The following ZFYVE16 variants were observed in gnomAD, a reference collection of about 807,000 sequenced individuals.
The protein encoded by ZFYVE16 is zinc finger FYVE-type containing 16.
A neutral mutation model predicts 138.1 loss-of-function variants in ZFYVE16; 89 were observed. That is an observed-to-expected ratio of 0.64 (90% confidence interval 0.54 to 0.77). The LOEUF (loss-of-function observed/expected upper bound fraction) is 0.77. Among genes scored for constraint, ZFYVE16 ranks in the 30% least tolerant of loss-of-function variants. The probability of loss-of-function intolerance (pLI) is 0.00; values close to 1 mark genes in which losing one functional copy is unlikely to be tolerated. For missense variants in ZFYVE16, 1,793 were observed against 1,786.7 expected (o/e 1.00, Z -0.06); for synonymous variants, 596 against 618.3 (o/e 0.96, Z 0.53).
intron 1 of ZFYVE16, among the ~76,000 whole-genome samples, chr5:80,409,070 C>G (rs984643000): frequency 2.0e-5 from 3 of 152,160 alleles, no homozygotes; most frequent in African/African-American, 7.2e-5. Flanking sequence ...GAAAAATGAT[C>G]AATCATAATT....
rs145131090 is a variant in ZFYVE16 at position 80,463,968 on chromosome 5, C to G, written c.4024+4474C>G. 5.3e-3 allele frequency among the ~76,000 whole-genome samples: 801 copies of G among 152,292 alleles called. 5 individuals are homozygous for G. Among genetic ancestry groups the G allele is most frequent in the African/African-American group, 0.018 (739 of 41,552 alleles). ...TCATCTCCATCTGAGATCACCTCAG[C>G]CTGGACTTCATTGTCCATATCACTA... On this transcript the variant is annotated intron_variant, in intron 15 of 18. Coordinates refer to ENST00000505560, the MANE Select transcript of ZFYVE16 (RefSeq NM_001284236.3).
chr5:80,438,608 T>C lies in ZFYVE16; in HGVS notation c.1923T>C (p.Ser641=). The change falls in exon 4 of 19, where the codon AGT becomes AGC. Residue 641 remains serine (S), a synonymous_variant. Transcript: ENST00000505560. Reference sequence around the variant, plus strand: ...AATTATCGGTCTCTGATATTAACAGTCAATCTGTTGGAGGGGCCAGACCTA... The same window carrying C: ...AATTATCGGTCTCTGATATTAACAGCCAATCTGTTGGAGGGGCCAGACCTA... ...TNQLSVSDIN[S]QSVGGARPKQ... 6.2e-7 allele frequency: 1 copy of C among 1,614,102 alleles called. No homozygotes were observed. Among genetic ancestry groups the C allele is most frequent in the Non-Finnish European group, 8.5e-7 (1 of 1,179,976 alleles).
At chr5:80,429,148 AATTGTCAG>A (rs1256064157) in intron 2 of ZFYVE16, among the ~76,000 whole-genome samples, 2 of 152,212 alleles carry the variant, frequency 1.3e-5, no homozygotes, top group Admixed American at 6.5e-5. Context: ...CAAGACACAT[AATTGTCAG>A]ATTCACCAAA....
intron 1 of ZFYVE16, among the ~76,000 whole-genome samples, chr5:80,420,230 C>T (rs1351311611): frequency 1.3e-5 from 2 of 152,098 alleles, no homozygotes; most frequent in Non-Finnish European, 1.5e-5. Context: ...CCTCAGCCTC[C>T]TGAGTAACTG....
intron 11 of ZFYVE16, among the ~76,000 whole-genome samples, chr5:80,453,096 A>G (rs1373890180): frequency 6.6e-6 from 1 of 152,200 alleles, no homozygotes; most frequent in Non-Finnish European, 1.5e-5. Flanking sequence ...AGAAGCTATA[A>G]AAGTGGTGAT....
chr5:80,422,298 ATCCTT>A (rs1352349820), intron 1 of ZFYVE16, among the ~76,000 whole-genome samples: 9 of 152,176 alleles, frequency 5.9e-5, no homozygotes, highest in Non-Finnish European at 1.3e-4. Flanking sequence ...GAGAGAAGAT[ATCCTT>A]TCCTTGATCC....
At chr5:80,473,520 G>A (rs1169251032) in intron 16 of ZFYVE16, among the ~76,000 whole-genome samples, 1 of 151,968 alleles carries the variant, frequency 6.6e-6, no homozygotes, top group Non-Finnish European at 1.5e-5. Flanking sequence ...TTAAACTTGA[G>A]GTCTGAATTT....
chr5:80,456,116 G>A, intron 12 of ZFYVE16: 1 of 297,854 alleles, frequency 3.4e-6, no homozygotes, highest in Non-Finnish European at 6.2e-6. Flanking sequence ...TCAGTCTTGT[G>A]ATTTTGAGCA....
intron 12 of ZFYVE16, chr5:80,456,000 C>T (rs185100): frequency 2.2e-6 from 1 of 452,600 alleles, no homozygotes; most frequent in South Asian, 2.8e-5. Flanking sequence ...TTCTAAGTGC[C>T]TTTTGATTCA....
intron 18 of ZFYVE16, among the ~76,000 whole-genome samples, chr5:80,475,389 A>G (rs1561342827): frequency 6.6e-6 from 1 of 152,254 alleles, no homozygotes; most frequent in Non-Finnish European, 1.5e-5. Flanking sequence ...CTCTGGAGAT[A>G]ATAACTCCAG....
At chr5:80,428,935 T>C (rs1748561687) in intron 2 of ZFYVE16, among the ~76,000 whole-genome samples, 1 of 152,144 alleles carries the variant, frequency 6.6e-6, no homozygotes, top group Admixed American at 6.5e-5. Flanking sequence ...GAACAAAGCC[T>C]CCAAGAAACA....
At chr5:80,444,328 G>A (rs1349934722) in intron 6 of ZFYVE16, among the ~76,000 whole-genome samples, 2 of 151,770 alleles carry the variant, frequency 1.3e-5, no homozygotes, top group Non-Finnish European at 2.9e-5. Context: ...TAAAAATGTT[G>A]CAAATACAAG....
At chr5:80,474,066 A>T (rs966489157) in intron 17 of ZFYVE16, among the ~76,000 whole-genome samples, 3 of 152,358 alleles carry the variant, frequency 2.0e-5, no homozygotes, top group East Asian at 3.9e-4. Flanking sequence ...AAATGGTGGT[A>T]CTGCCTGCCA....
intron 7 of ZFYVE16, among the ~76,000 whole-genome samples, chr5:80,446,726 A>C (rs772372896): frequency 3.9e-5 from 6 of 152,180 alleles, no homozygotes; most frequent in Non-Finnish European, 7.4e-5. Context: ...AGTTATTTTC[A>C]AACATTCAAG....
intron 1 of ZFYVE16, among the ~76,000 whole-genome samples, chr5:80,417,524 T>C (rs971232921): frequency 6.6e-6 from 1 of 152,238 alleles, no homozygotes; most frequent in Admixed American, 6.5e-5. Context: ...CTGGCTATCA[T>C]TGGTGTTTTA....
At chr5:80,454,955 G>A (rs1035985831) in intron 11 of ZFYVE16, 1 of 151,926 alleles carries the variant, frequency 6.6e-6, no homozygotes, top group Non-Finnish European at 1.5e-5. Flanking sequence ...AACCTATATC[G>A]TTCTAACCAA....
At chr5:80,457,630 TAC>T (rs1752653243) in intron 14 of ZFYVE16, among the ~76,000 whole-genome samples, 1 of 152,174 alleles carries the variant, frequency 6.6e-6, no homozygotes, top group South Asian at 2.1e-4. Context: ...TAGGATACCA[TAC>T]TTAAAATAGT....
chr5:80,456,538 A>G lies in ZFYVE16; in HGVS notation c.3768A>G (p.Ile1256Met), dbSNP rs775120676. 2.5e-6 allele frequency: 4 copies of G among 1,612,788 alleles called. No individual in the cohort carries two copies. The highest frequency in any genetic ancestry group is 1.1e-5 in the South Asian group (1 of 91,016). Residue 1256 changes from isoleucine to methionine, a missense_variant, in exon 13 of 19, where the codon ATA becomes ATG. Physicochemically the swap from Ile to Met is conservative, Grantham distance 10. Transcript: ENST00000505560. The stretch of plus-strand genomic sequence containing the variant: ...ATATGGAAATGGGAAAAAGCTGCAT[A>G]AAAATACCACGGAAAAAGTACAGTG... ...LIHMEMGKSC[I>M]KIPRKKYSDV... is the part of the protein sequence containing the mutation.
At chr5:80,450,650 G>T in intron 10 of ZFYVE16, 64 bp downstream of exon 10, 2 of 1,512,052 alleles carry the variant, frequency 1.3e-6, no homozygotes, top group South Asian at 2.5e-5. Context: ...AGGCATTTAT[G>T]GTTTTGGCTG....
Sources: gnomAD v4.1 joint callset for allele counts (sites outside exome capture counted in the v4.1 genomes callset) on GRCh38, gnomAD v4.1.1 for gene constraint, MANE v1.5 for transcripts, NCBI Gene and HGNC (gene_info 2026-07-23, HGNC 2026-07-21) for gene names.